Variants in RNF10 observed in about 807,000 individuals in gnomAD.
RNF10 encodes the protein E3 ubiquitin-protein ligase RNF10.
In RNF10, 38 loss-of-function variants were observed where a neutral mutation model predicts 91.4. The ratio of observed to expected loss-of-function variants is 0.42; its 90% CI spans 0.32 to 0.54. The LOEUF is 0.54. Among genes scored for constraint, RNF10 ranks in the 20% least tolerant of loss-of-function variants. The pLI is 0.16. For synonymous variants in RNF10, 364 were observed against 366.3 expected (o/e 0.99, Z 0.07); for missense variants, 945 against 1,012.0 (o/e 0.93, Z 0.90).
At chr12:120,539,742 C>A (rs1871294651) in intron 1 of RNF10, among the ~76,000 whole-genome samples, 1 of 151,798 alleles carries the variant, frequency 6.6e-6, no homozygotes, top group Non-Finnish European at 1.5e-5. Flanking sequence ...GACTCTGGAG[C>A]CTGAGTTTAG....
intron 1 of RNF10, among the ~76,000 whole-genome samples, chr12:120,537,560 G>C (rs1270093560): frequency 6.6e-6 from 1 of 152,092 alleles, no homozygotes; most frequent in Non-Finnish European, 1.5e-5. Context: ...ACCGGGAGGC[G>C]GAGGTTGCAG....
At chr12:120,538,715 G>T (rs1342205459) in intron 1 of RNF10, among the ~76,000 whole-genome samples, 1 of 152,188 alleles carries the variant, frequency 6.6e-6, no homozygotes, top group Non-Finnish European at 1.5e-5. Flanking sequence ...CCAGGAACCA[G>T]GCTCTTGTCC....
rs879180973 is a variant in RNF10 at position 120,539,343 on chromosome 12, C to A, written c.157+4375C>A. 2.6e-6 allele frequency: 3 copies of A among 1,162,572 alleles called. No homozygotes were observed. The Admixed American group carries it at 6.9e-5, about 27-fold the overall frequency. The allele number at this position is 1,162,572 out of a possible 1,614,324, so 72.0% of individuals were successfully genotyped here. ...ACTGGCATGTGCATCATTCCTGATACCACCTCTCTCTTCCTTTCATTCAGA... is the reference window on the plus strand; with the variant it reads ...ACTGGCATGTGCATCATTCCTGATAACACCTCTCTCTTCCTTTCATTCAGA... On this transcript the variant is annotated intron_variant, in intron 1 of 16. Coordinates refer to ENST00000325954, the MANE Select transcript of RNF10 (RefSeq NM_014868.5).
At chr12:120,569,538 C>CTT (rs58304342) in intron 13 of RNF10, among the ~76,000 whole-genome samples, 62 of 115,238 alleles carry the variant, frequency 5.4e-4, no homozygotes, top group African/African-American at 1.8e-3. Context: ...TGATATGCAT[C>CTT]TTTTTTTTTT....
chr12:120,570,752 GA>G (rs1876502185), intron 13 of RNF10, among the ~76,000 whole-genome samples: 1 of 152,136 alleles, frequency 6.6e-6, no homozygotes, highest in South Asian at 2.1e-4. Context: ...ATTCTAATTG[GA>G]TACTCCCAGG....
chr12:120,543,172 C>T (rs1270372194), intron 1 of RNF10, among the ~76,000 whole-genome samples: 1 of 151,990 alleles, frequency 6.6e-6, no homozygotes, highest in Non-Finnish European at 1.5e-5. Flanking sequence ...ATTGTACTTA[C>T]CAAGAAATAA....
Position 120,563,442 on chromosome 12 carries a change from A to G in RNF10, c.1350A>G (p.Glu450=), listed in dbSNP as rs1227169326. ...PSRPLALPLV[E]EEEAVSEPEP... ...GACCTCTTGCTCTCCCTCTGGTAGA[A>G]GAGGAGGAAGCAGTGTCTGAACCAG... is the stretch of plus-strand genomic sequence containing the variant. Residue 450 remains glutamate, a synonymous_variant, in exon 9 of 17, where the codon GAA becomes GAG. Coordinates refer to ENST00000325954, the MANE Select transcript of RNF10 (RefSeq NM_014868.5). The G allele has an allele frequency of 3.5e-5, 56 of 1,613,988 alleles. No individual in the cohort carries two copies. The highest frequency in any genetic ancestry group is 4.6e-5 in the Non-Finnish European group (54 of 1,180,024).
rs747136612 is a variant in RNF10 at position 120,565,500 on chromosome 12, A to G, written c.1856A>G (p.Glu619Gly). The change falls in exon 12 of 17, where the codon GAG (glutamate) becomes GGG (glycine). Residue 619 changes from glutamate to glycine, a missense_variant. Transcript: ENST00000325954. ...GAACGCCGCCGAGAGCGCAGGATTG[A>G]GATAGAGGAGAACAAGAAACAGGGC... The part of the protein sequence containing the change: ...REERRRERRI[E>G]IEENKKQGKY... The G allele has an allele frequency of 6.2e-7, 1 of 1,613,990 alleles. No individual in the cohort carries two copies. Among genetic ancestry groups the G allele is most frequent in the Non-Finnish European group, 8.5e-7 (1 of 1,180,004 alleles).
At chr12:120,576,075 T>C (rs1012620719) in intron 16 of RNF10, 125 bp downstream of exon 16, 1 of 943,792 alleles carries the variant, frequency 1.1e-6, no homozygotes, top group African/African-American at 1.6e-5. Flanking sequence ...TTCAGCACAC[T>C]CTAGTGTCAT....
At chr12:120,564,054 A>C in intron 10 of RNF10, 111 bp downstream of exon 10, 2 of 1,227,488 alleles carry the variant, frequency 1.6e-6, no homozygotes, top group East Asian at 4.7e-5. Flanking sequence ...TAGTTTTTGT[A>C]TTTTTAGTCT....
intron 1 of RNF10, among the ~76,000 whole-genome samples, chr12:120,539,698 A>G (rs1015626149): frequency 2.0e-5 from 3 of 152,074 alleles, no homozygotes; most frequent in Non-Finnish European, 4.4e-5. Context: ...AACAACTGAG[A>G]AGCTGGGTTA....
Position 120,546,585 on chromosome 12 carries a change from G to A in RNF10, c.338G>A (p.Gly113Asp). The part of the protein sequence containing the change: ...SSKLFSSSFN[G>D]GRRDEVAEAQ... ...AAACTCTTTAGCTCTTCTTTTAATGGTGGAAGACGAGATGAGGTATGGAAT... is the reference window on the plus strand; with the variant it reads ...AAACTCTTTAGCTCTTCTTTTAATGATGGAAGACGAGATGAGGTATGGAAT... The change falls in exon 2 of 17, where the codon GGT (glycine) becomes GAT (aspartate). Residue 113 changes from glycine (G) to aspartate (D), a missense_variant. By Grantham distance (94) the Gly-to-Asp change is moderately conservative (BLOSUM62 -1). Transcript: ENST00000325954. The A allele has an allele frequency of 6.2e-7, 1 of 1,613,230 alleles. No homozygotes were observed. The highest frequency in any genetic ancestry group is 8.5e-7 in the Non-Finnish European group (1 of 1,179,750).
At chr12:120,567,153 T>C (rs1027050463) in intron 13 of RNF10, among the ~76,000 whole-genome samples, 173 bp downstream of exon 13, 1 of 152,196 alleles carries the variant, frequency 6.6e-6, no homozygotes, top group African/African-American at 2.4e-5. Flanking sequence ...CCACTTGCTA[T>C]ACTGACTGCT....
chr12:120,574,498 A>G (rs965974050), intron 14 of RNF10: 1 of 456,128 alleles, frequency 2.2e-6, no homozygotes, highest in Admixed American at 2.3e-5. Context: ...TGGATCTGAA[A>G]GTTAATGATG....
chr12:120,545,342 C>G (rs189658253), intron 1 of RNF10, among the ~76,000 whole-genome samples: 4 of 144,466 alleles, frequency 2.8e-5, no homozygotes, highest in African/African-American at 1.0e-4. Flanking sequence ...CCACCATGCC[C>G]GGCTAATTTT....
chr12:120,539,509 G>A, intron 1 of RNF10: 1 of 1,001,338 alleles, frequency 1.0e-6, no homozygotes, highest in African/African-American at 1.7e-5. Flanking sequence ...ATCAGCAGCA[G>A]AAACTTGCTG....
chr12:120,548,802 C>T (rs2137161439), intron 2 of RNF10, among the ~76,000 whole-genome samples: 1 of 151,738 alleles, frequency 6.6e-6, no homozygotes, highest in Middle Eastern at 3.4e-3. Context: ...GGGACTACAG[C>T]TGGGACTATT....
At chr12:120,570,867 C>G (rs1430960232) in intron 13 of RNF10, among the ~76,000 whole-genome samples, 1 of 152,170 alleles carries the variant, frequency 6.6e-6, no homozygotes, top group Admixed American at 6.6e-5. Flanking sequence ...CAGTACCTAT[C>G]CTTGAGAGCC....
At chr12:120,535,104 C>G in intron 1 of RNF10, 136 bp downstream of exon 1, 1 of 980,990 alleles carries the variant, frequency 1.0e-6, no homozygotes, top group Non-Finnish European at 1.4e-6. Context: ...TTCCATGGCT[C>G]TCATTTGCAG....
Sources: gnomAD v4.1 joint callset for allele counts (sites outside exome capture counted in the v4.1 genomes callset) on GRCh38, gnomAD v4.1.1 for gene constraint, MANE v1.5 for transcripts, NCBI Gene and HGNC (gene_info 2026-07-23, HGNC 2026-07-21) for gene names.